Variants in CNGB1 observed in about 807,000 individuals in gnomAD.
CNGB1 encodes cyclic nucleotide gated channel subunit beta 1, also known as cyclic nucleotide-gated channel beta-1.
Under a neutral mutation model 151.7 loss-of-function variants are expected in CNGB1, and 126 were observed. The ratio of observed to expected loss-of-function variants is 0.83; its 90% CI spans 0.72 to 0.96. The LOEUF (loss-of-function observed/expected upper bound fraction) is 0.96, where lower values mean the gene tolerates loss of function less well. Ranked by LOEUF, CNGB1 falls within the 40% of genes least tolerant of loss-of-function variation. CNGB1 has a pLI of 0.00. For missense variants in CNGB1, 1,698 were observed against 1,627.0 expected, an observed-to-expected ratio of 1.04 and a Z score of -0.75; for synonymous variants, 623 against 635.1, an observed-to-expected ratio of 0.98 and a Z score of 0.29.
At chr16:57,915,357 A>AT in intron 22 of CNGB1, 22 bp from the exon 23 acceptor site, 1 of 1,578,196 alleles carries the variant, frequency 6.3e-7, no homozygotes, top group Non-Finnish European at 8.7e-7. Context: ...GTGGGACACC[A>AT]TGGGGGTAAA....
In CNGB1 at chr16:57,909,859, C is replaced by T. The variant is rs866910199; in HGVS notation, c.2492+1894G>A. Among the ~76,000 whole-genome samples, 7 of 152,312 alleles carry T rather than the reference C, an allele frequency of 4.6e-5. No individual in the cohort carries two copies. In the Middle Eastern group the frequency reaches 0.017, roughly 370 times the overall value. On this transcript the variant is annotated intron_variant, in intron 25 of 32. Coordinates refer to ENST00000251102, the MANE Select transcript of CNGB1 (RefSeq NM_001297.5). ...CTGGGTTCAAATCCCAGCTCTGTAA[C>T]TCATGAACCGTGTAACCTTGGGAAC...
At chr16:57,952,842 G>A (rs1961987767) in intron 12 of CNGB1, among the ~76,000 whole-genome samples, 1 of 152,044 alleles carries the variant, frequency 6.6e-6, no homozygotes, top group Non-Finnish European at 1.5e-5. Context: ...TGCAAGATGT[G>A]TCCTATACTG....
Position 57,907,696 on chromosome 16 carries a change from C to T in CNGB1, c.2493-2821G>A, listed in dbSNP as rs1006431156. Among the ~76,000 whole-genome samples the T allele has an allele frequency of 8.5e-5, 13 of 152,288 alleles. No homozygotes were observed. In the South Asian group the frequency reaches 2.7e-3, roughly 32 times the overall value. ...GGGGCTTCAAGTCCCCCTCTGCCTCCTTGTGATGGGTTAGATGAATAAGGA... is the reference window on the plus strand; with the variant it reads ...GGGGCTTCAAGTCCCCCTCTGCCTCTTTGTGATGGGTTAGATGAATAAGGA... On this transcript the variant is annotated intron_variant, in intron 25 of 32. Transcript: ENST00000251102.
rs531457806 is a variant in CNGB1 at position 57,895,240 on chromosome 16, G to A, written c.3242+2157C>T. Among the ~76,000 whole-genome samples the A allele has an allele frequency of 2.6e-5, 4 of 152,292 alleles. No individual in the cohort carries two copies. In the East Asian group the frequency reaches 7.7e-4, roughly 29 times the overall value. ...GCAGGCAGATCACCTGAGGTCAGGA[G>A]TTTGAGACCAGTCTAGCCAACATGG... On this transcript the variant is annotated intron_variant, in intron 31 of 32. Transcript: ENST00000251102.
intron 22 of CNGB1, 134 bp from the exon 23 acceptor site, chr16:57,915,469 G>A: frequency 1.4e-6 from 1 of 736,786 alleles, no homozygotes. Flanking sequence ...TAAAACTAGA[G>A]GGCAGAAGGT....
Position 57,884,440 on chromosome 16 carries a change from G to A in CNGB1, c.3480C>T (p.Asp1160=), listed in dbSNP as rs376024334. 12 of 1,613,586 alleles carry A rather than the reference G, an allele frequency of 7.4e-6. No individual in the cohort carries two copies. The highest frequency in any genetic ancestry group is 9.3e-6 in the Non-Finnish European group (11 of 1,179,870). The change falls in exon 33 of 33, where the codon GAC becomes GAT. Residue 1160 remains aspartate, a synonymous_variant. Transcript: ENST00000251102. ...CGGCGGAGCCTTCCTCTCCCTTGAC[G>A]TCTTGCGAGCTCTTGGCCTGGAATC... ...ELVEQAKSSQ[D]VKGEEGSAAP...
At position 57,903,890 on chromosome 16, in the gene CNGB1, A is replaced by G. The variant is rs370328868; in HGVS notation, c.2726T>C (p.Ile909Thr). The G allele has an allele frequency of 2.5e-6, 4 of 1,613,998 alleles. No homozygotes were observed. Among genetic ancestry groups the G allele is most frequent in the African/African-American group, 1.3e-5 (1 of 74,918 alleles). The change falls in exon 27 of 33, where the codon ATC becomes ACC. Residue 909 changes from isoleucine (I) to threonine (T), a missense_variant. Coordinates refer to ENST00000251102, the MANE Select transcript of CNGB1 (RefSeq NM_001297.5). ...STVKYMNFYK[I>T]PKSVQNRVKT... ...GACGCGGTTCTGCACGGACTTGGGG[A>G]TCTTGTAGAAATTCATGTACTTCAC...
chr16:57,933,054 G>A (rs138049417), intron 16 of CNGB1, among the ~76,000 whole-genome samples: 1 of 152,200 alleles, frequency 6.6e-6, no homozygotes, highest in African/African-American at 2.4e-5. Flanking sequence ...GCAGCCTCCC[G>A]AGTAGCTGGG....
At position 57,915,771 on chromosome 16, in the gene CNGB1, C is replaced by T. The variant is rs536075529; in HGVS notation, c.2217+358G>A. 2.0e-5 allele frequency among the ~76,000 whole-genome samples: 3 copies of T among 151,832 alleles called. No homozygotes were observed. In the East Asian group the frequency reaches 5.8e-4, roughly 30 times the overall value. On this transcript the variant is annotated intron_variant, in intron 22 of 32. Coordinates refer to ENST00000251102, the MANE Select transcript of CNGB1 (RefSeq NM_001297.5). Reference sequence around the variant, plus strand: ...AAAATTAGCTGGGTGTGGTGACGCACACTTGTAATCCCAGCTACTAGGGAG... The same window carrying T: ...AAAATTAGCTGGGTGTGGTGACGCATACTTGTAATCCCAGCTACTAGGGAG...
chr16:57,913,116 G>C (rs1314839892), intron 23 of CNGB1, 122 bp from the exon 24 acceptor site: 12 of 848,504 alleles, frequency 1.4e-5, no homozygotes, highest in Middle Eastern at 2.4e-4. Context: ...AGGACGGTGA[G>C]CATTCAATAT....
chr16:57,942,551 A>G (rs1961696134), intron 14 of CNGB1, among the ~76,000 whole-genome samples: 1 of 152,228 alleles, frequency 6.6e-6, no homozygotes, highest in Admixed American at 6.5e-5. Context: ...GCTGAAAACT[A>G]TAAAACATCG....
intron 16 of CNGB1, among the ~76,000 whole-genome samples, chr16:57,936,799 C>CAAACA (rs1555491485): frequency 5.4e-5 from 7 of 128,722 alleles, no homozygotes; most frequent in African/African-American, 1.4e-4. Context: ...AACAAACAAA[C>CAAACA]AAAAAAAAAA....
intron 8 of CNGB1, 21 bp downstream of exon 8, chr16:57,960,819 C>T (rs1332123971): frequency 1.2e-6 from 2 of 1,612,194 alleles, no homozygotes; most frequent in South Asian, 1.1e-5. Context: ...CAACTCCCTG[C>T]CTCTCCCTTC....
intron 32 of CNGB1, among the ~76,000 whole-genome samples, chr16:57,886,205 G>A (rs534542944): frequency 2.0e-5 from 3 of 152,298 alleles, no homozygotes; most frequent in Admixed American, 2.0e-4. Flanking sequence ...AGAGCTCCCT[G>A]TACTCTGCCA....
chr16:57,941,836 TTTTATTTA>T (rs201461156), intron 14 of CNGB1, among the ~76,000 whole-genome samples: 4 of 151,960 alleles, frequency 2.6e-5, no homozygotes, highest in South Asian at 2.1e-4. Flanking sequence ...TTCTTTTCCT[TTTTATTTA>T]TTTATTTATT....
rs765056288 is a variant in CNGB1 at position 57,963,097 on chromosome 16, A to G, written c.291-33T>C. ...GGACAGAGACACCAGCCCGCCCTCA[A>G]CTTCCCCTAGCTCAATGAGGCCCTC... On this transcript the variant is annotated intron_variant, in intron 4 of 32. Coordinates refer to ENST00000251102, the MANE Select transcript of CNGB1 (RefSeq NM_001297.5). 2.6e-6 allele frequency: 4 copies of G among 1,542,466 alleles called. No individual in the cohort carries two copies. In the East Asian group the frequency reaches 6.7e-5, roughly 26 times the overall value.
rs761341606 is a variant in CNGB1 at position 57,884,309 on chromosome 16, G to T, written c.3611C>A (p.Ser1204Tyr). ...GSPPSSPPPA[S>Y]LGRPEGEEEG... is the part of the protein sequence containing the mutation. ...CTCCTCTCCCTCCGGCCTCCCAAGG[G>T]AGGCAGGCGGTGGAGAGCTCGGTGG... Residue 1204 changes from serine to tyrosine, a missense_variant, in exon 33 of 33, where the codon TCC becomes TAC. Ser to Tyr is a moderately radical substitution (Grantham distance 144). Coordinates refer to ENST00000251102, the MANE Select transcript of CNGB1 (RefSeq NM_001297.5). 4 of 1,612,594 alleles carry T rather than the reference G, an allele frequency of 2.5e-6. No individual in the cohort carries two copies. In the Admixed American group the frequency reaches 5.0e-5, roughly 20 times the overall value.
chr16:57,922,413 C>CTCTTTCTT lies in CNGB1; in HGVS notation c.1643+852_1643+859dup, dbSNP rs555422411. Reference sequence around the variant, plus strand: ...AATGCCATCACAGTGGTTTCTTTCTCTCTTTCTTTCTTTCTTTCTTTTTTT... The same window carrying CTCTTTCTT: ...AATGCCATCACAGTGGTTTCTTTCTCTCTTTCTTTCTTTCTTTCTTTCTTTCTTTTTTT... On this transcript the variant is annotated intron_variant, in intron 18 of 32. Transcript: ENST00000251102. Among the ~76,000 whole-genome samples, 68 of 143,904 alleles carry CTCTTTCTT rather than the reference C, an allele frequency of 4.7e-4. 1 individual carries two copies. In the South Asian group the frequency reaches 8.3e-3, roughly 18 times the overall value. The allele number at this position is 143,904 out of a possible 152,430, so 94.4% of individuals were successfully genotyped here.
At position 57,940,292 on chromosome 16, in the gene CNGB1, T is replaced by C. The variant is rs1421545538; in HGVS notation, c.1151A>G (p.Gln384Arg). 1.1e-5 allele frequency: 17 copies of C among 1,583,460 alleles called. No homozygotes were observed. The highest frequency in any genetic ancestry group is 2.3e-5 in the East Asian group (1 of 43,756). ...EVLLDSCVVS[Q>R]VGVGQSEEDG... Reference sequence around the variant, plus strand: ...TTCTTCACTCTGGCCCACGCCCACCTGCGACACCACACAGCTATCCAGCAG... The same window carrying C: ...TTCTTCACTCTGGCCCACGCCCACCCGCGACACCACACAGCTATCCAGCAG... The change falls in exon 15 of 33, where the codon CAG becomes CGG. Residue 384 changes from glutamine (Q) to arginine (R), a missense_variant. Transcript: ENST00000251102.
Sources: allele counts gnomAD v4.1 joint callset (sites outside exome capture counted in the v4.1 genomes callset), GRCh38; gene constraint gnomAD v4.1.1; transcripts MANE v1.5; gene names NCBI Gene and HGNC (gene_info 2026-07-23, HGNC 2026-07-21).